The following THADA variants were observed in gnomAD, a reference collection of about 807,000 sequenced individuals.
THADA encodes tRNA (32-2'-O)-methyltransferase regulator THADA.
Under a neutral mutation model 219.8 loss-of-function variants are expected in THADA, and 213 were observed. The ratio of observed to expected loss-of-function variants is 0.97; its 90% confidence interval spans 0.87 to 1.09. THADA has a LOEUF of 1.09. THADA is among the 50% of genes least tolerant of loss of function. The pLI is 0.00. For synonymous variants in THADA, 1,018 were observed against 828.9 expected, an observed-to-expected ratio of 1.23 and a Z score of -3.92; for missense variants, 2,956 against 2,311.3, an observed-to-expected ratio of 1.28 and a Z score of -5.72.
intron 31 of THADA, among the ~76,000 whole-genome samples, chr2:43,297,420 C>A (rs1224813174): frequency 1.0e-5 from 1 of 100,388 alleles, no homozygotes; most frequent in Admixed American, 8.3e-5. Context: ...CGTCTCCGCC[C>A]GGCAGCCACC....
At chr2:43,256,741 C>A (rs1353270924) in intron 36 of THADA, among the ~76,000 whole-genome samples, 1 of 151,786 alleles carries the variant, frequency 6.6e-6, no homozygotes, top group Non-Finnish European at 1.5e-5. Flanking sequence ...ATCAAGCCCC[C>A]CTAATTTTCT....
Position 43,476,584 on chromosome 2 carries a change from G to A in THADA, c.3836+8650C>T, listed in dbSNP as rs559291864. ...AAGTCTGAATTATTTCAAGCCTCTG[G>A]GTAAATGTTAACAGACGGTGCTATT... On this transcript the variant is annotated intron_variant, in intron 26 of 37. Coordinates refer to ENST00000405975, the MANE Select transcript of THADA (RefSeq NM_022065.5). Among the ~76,000 whole-genome samples the A allele has an allele frequency of 4.8e-4, 73 of 152,256 alleles. 1 individual carries two copies. The highest frequency in any genetic ancestry group is 3.4e-3 in the Middle Eastern group (1 of 294).
At chr2:43,584,019 GC>G (rs1392991370) in intron 7 of THADA, among the ~76,000 whole-genome samples, 1 of 135,810 alleles carries the variant, frequency 7.4e-6, no homozygotes, top group African/African-American at 2.8e-5. Flanking sequence ...GGGTGACAGA[GC>G]CAGAGCTTGT....
At chr2:43,457,303 T>C (rs951223573) in intron 26 of THADA, among the ~76,000 whole-genome samples, 5 of 152,104 alleles carry the variant, frequency 3.3e-5, no homozygotes, top group Admixed American at 2.6e-4. Flanking sequence ...CCCATTCTAG[T>C]AGTAAAAGTA....
At chr2:43,442,974 C>T (rs1160101071) in intron 26 of THADA, among the ~76,000 whole-genome samples, 1 of 152,222 alleles carries the variant, frequency 6.6e-6, no homozygotes, top group Non-Finnish European at 1.5e-5. Flanking sequence ...CAGACTTCTT[C>T]CAGGACACAT....
intron 6 of THADA, 69 bp downstream of exon 6, chr2:43,586,633 A>G (rs1220846711): frequency 1.4e-5 from 22 of 1,520,766 alleles, no homozygotes; most frequent in Non-Finnish European, 1.9e-5. Flanking sequence ...AGAAACTTAA[A>G]AGAGCCAGTT....
intron 21 of THADA, 138 bp downstream of exon 21, chr2:43,541,021 T>C (rs975809350): frequency 2.3e-6 from 2 of 863,410 alleles, no homozygotes; most frequent in Admixed American, 3.7e-5. Flanking sequence ...TAAATTACCA[T>C]GAACTTTCTT....
intron 36 of THADA, among the ~76,000 whole-genome samples, chr2:43,266,332 C>T (rs1368412755): frequency 6.6e-6 from 1 of 152,246 alleles, no homozygotes; most frequent in Non-Finnish European, 1.5e-5. Flanking sequence ...TGGCTCACGC[C>T]TGTGATCCCA....
chr2:43,566,877 T>A, intron 14 of THADA, 56 bp from the exon 15 acceptor site: 1 of 1,291,760 alleles, frequency 7.7e-7, no homozygotes, highest in Non-Finnish European at 1.0e-6. Context: ...TAGGTTATAT[T>A]CAGAGTATTA....
intron 29 of THADA, among the ~76,000 whole-genome samples, chr2:43,349,675 G>T (rs761651110): frequency 9.2e-5 from 14 of 152,022 alleles, no homozygotes; most frequent in Admixed American, 2.0e-4. Flanking sequence ...GGTTAGACAG[G>T]CTATGAAAAA....
intron 30 of THADA, among the ~76,000 whole-genome samples, chr2:43,322,781 G>T (rs1678892833): frequency 6.9e-6 from 1 of 144,852 alleles, no homozygotes; most frequent in Admixed American, 7.1e-5. Flanking sequence ...CACCTGCCGG[G>T]TTCATGCCAT....
Position 43,385,189 on chromosome 2 carries a change from CAATTTGGT to C in THADA, c.4227+12774_4227+12781del, listed in dbSNP as rs768731375. The stretch of plus-strand genomic sequence containing the variant: ...AAAAAACCCACAAAAAAACAAAAAA[CAATTTGGT>C]AATTGGACAAGTAAATGTCTCACAT... On this transcript the variant is annotated intron_variant, in intron 29 of 37. Transcript: ENST00000405975. Among the ~76,000 whole-genome samples the C allele has an allele frequency of 8.2e-4, 125 of 151,996 alleles. 1 individual carries two copies. The highest frequency in any genetic ancestry group is 3.4e-3 in the Middle Eastern group (1 of 294).
chr2:43,255,968 G>T (rs946321726), intron 36 of THADA, among the ~76,000 whole-genome samples: 10 of 152,162 alleles, frequency 6.6e-5, no homozygotes, highest in African/African-American at 2.4e-4. Flanking sequence ...CCTCAGCTCG[G>T]TCACAGACCA....
chr2:43,370,001 T>C (rs985761442), intron 29 of THADA: 1 of 152,190 alleles, frequency 6.6e-6, no homozygotes, highest in Admixed American at 6.5e-5. Flanking sequence ...CTGCTTTACA[T>C]CCATTCAGTG....
At chr2:43,545,592 T>G (rs1278868117) in intron 20 of THADA, among the ~76,000 whole-genome samples, 5 of 152,230 alleles carry the variant, frequency 3.3e-5, no homozygotes, top group African/African-American at 1.2e-4. Context: ...TCTTCCTGGT[T>G]TAGTCGTGGG....
At chr2:43,233,916 A>C (rs1667731687) in intron 36 of THADA, among the ~76,000 whole-genome samples, 1 of 152,084 alleles carries the variant, frequency 6.6e-6, no homozygotes, top group African/African-American at 2.4e-5. Flanking sequence ...ATTTCTATTG[A>C]GCCCTGATCA....
chr2:43,439,453 T>C (rs1418911834), intron 26 of THADA, among the ~76,000 whole-genome samples: 3 of 152,190 alleles, frequency 2.0e-5, no homozygotes, highest in African/African-American at 7.2e-5. Context: ...GTGAATCAGC[T>C]CTCTATCCAG....
chr2:43,386,467 A>G (rs745814638), intron 29 of THADA, among the ~76,000 whole-genome samples: 2 of 152,224 alleles, frequency 1.3e-5, no homozygotes, highest in Non-Finnish European at 2.9e-5. Context: ...AATAATAAGG[A>G]TATGCTTTTA....
At chr2:43,236,858 G>A (rs148565699) in intron 36 of THADA, among the ~76,000 whole-genome samples, 28 of 148,592 alleles carry the variant, frequency 1.9e-4, no homozygotes, top group African/African-American at 5.8e-4. Context: ...TCAGGATATC[G>A]AGACCATCCT....
Sources: gnomAD v4.1 joint callset for allele counts (sites outside exome capture counted in the v4.1 genomes callset) on GRCh38, gnomAD v4.1.1 for gene constraint, MANE v1.5 for transcripts, NCBI Gene and HGNC (gene_info 2026-07-23, HGNC 2026-07-21) for gene names.